AIG1: variants seen among roughly 807,000 people sequenced by gnomAD.
The protein encoded by AIG1 is androgen-induced gene 1 protein.
AIG1 carries 23 observed loss-of-function variants against 31.4 expected under a neutral mutation model. The ratio of observed to expected loss-of-function variants is 0.73; its 90% CI spans 0.53 to 1.04. AIG1 has a LOEUF of 1.04. AIG1 is among the 50% of genes least tolerant of loss of function. AIG1 has a pLI of 0.00. For synonymous variants in AIG1, 100 were observed against 110.5 expected (o/e 0.90, Z 0.60); for missense variants, 274 against 295.0 (o/e 0.93, Z 0.52).
rs1243104421 is a variant in AIG1 at position 143,297,120 on chromosome 6, C to A, written c.515+12895C>A. ...AGGAAAATAGAGTCTACGGAAGGTT[C>A]TCTAACCCAGACTTAGAGAGTTCTG... On this transcript the variant is annotated intron_variant, in intron 4 of 5. Coordinates refer to ENST00000357847, the MANE Select transcript of AIG1 (RefSeq NM_016108.4). The surrounding 1 kb of genome is among the most constrained non-coding windows in gnomAD (Gnocchi z 5.1). 2.0e-5 allele frequency among the ~76,000 whole-genome samples: 3 copies of A among 152,284 alleles called. No individual in the cohort carries two copies. Among genetic ancestry groups the A allele is most frequent in the African/African-American group, 7.2e-5 (3 of 41,554 alleles).
intron 1 of AIG1, among the ~76,000 whole-genome samples, chr6:143,101,995 T>C (rs1780320438): frequency 6.6e-6 from 1 of 152,150 alleles, no homozygotes; most frequent in African/African-American, 2.4e-5. Flanking sequence ...TTCCAATGTG[T>C]TAGCAAAGTT....
At chr6:143,110,191 A>C (rs1781148016) in intron 1 of AIG1, among the ~76,000 whole-genome samples, 2 of 152,122 alleles carry the variant, frequency 1.3e-5, no homozygotes, top group South Asian at 4.1e-4. Context: ...CTATTTACCT[A>C]TCCTTGCACT....
At chr6:143,277,211 T>C (rs1796998114) in intron 3 of AIG1, among the ~76,000 whole-genome samples, 2 of 152,226 alleles carry the variant, frequency 1.3e-5, no homozygotes, top group South Asian at 4.1e-4. Flanking sequence ...AATACCCTTT[T>C]GTTCTATGGG....
At position 143,299,341 on chromosome 6, in the gene AIG1, T is replaced by G. The variant is rs1275733615; in HGVS notation, c.515+15116T>G. 2 of 152,202 alleles carry G rather than the reference T, an allele frequency of 1.3e-5. No individual in the cohort carries two copies. Among genetic ancestry groups the G allele is most frequent in the Non-Finnish European group, 2.9e-5 (2 of 68,030 alleles). The allele number at this position is 152,202 out of a possible 1,614,324, so 9.4% of individuals were successfully genotyped here. On this transcript the variant is annotated intron_variant, in intron 4 of 5. Coordinates refer to ENST00000357847, the MANE Select transcript of AIG1 (RefSeq NM_016108.4). This position sits in a 1 kb window ranked among gnomAD's most constrained non-coding sequence, Gnocchi z 4.1. ...AGTCTCAGCTAGCAGAGTCGAGAAATAGCATGACATAGGGCAGGTGTAACT... is the reference window on the plus strand; with the variant it reads ...AGTCTCAGCTAGCAGAGTCGAGAAAGAGCATGACATAGGGCAGGTGTAACT...
chr6:143,163,807 C>T (rs1364177008), intron 2 of AIG1, among the ~76,000 whole-genome samples: 2 of 152,058 alleles, frequency 1.3e-5, no homozygotes, highest in East Asian at 3.9e-4. Context: ...ATCAGTTGTT[C>T]CCTGTCTTTC....
intron 4 of AIG1, among the ~76,000 whole-genome samples, chr6:143,315,235 G>A (rs1775640863): frequency 1.3e-5 from 2 of 152,070 alleles, no homozygotes; most frequent in Admixed American, 1.3e-4. Context: ...AGCACTGCCG[G>A]CAAGTATTCT....
intron 1 of AIG1, among the ~76,000 whole-genome samples, chr6:143,102,495 TATAATATGATAC>T (rs1468516782): frequency 2.7e-5 from 4 of 147,198 alleles, no homozygotes. Flanking sequence ...TATAAAAATA[TATAATATGATAC>T]ATAATATATA....
rs184175950 is a variant in AIG1 at position 143,187,849 on chromosome 6, G to T, written c.399+22666G>T. ...CTTCAAGAAGTGCCATTTCTCAAGC[G>T]ATGTACAGAAGGGTATCCGCAGCAT... is the stretch of plus-strand genomic sequence containing the variant. On this transcript the variant is annotated intron_variant, in intron 3 of 5. Coordinates refer to ENST00000357847, the MANE Select transcript of AIG1 (RefSeq NM_016108.4). 1.2e-4 allele frequency: 174 copies of T among 1,451,062 alleles called. No individual in the cohort carries two copies. In the East Asian group the frequency reaches 3.9e-3, roughly 32 times the overall value. 89.9% of individuals were successfully genotyped at this position (1,451,062 alleles called of 1,614,324 possible).
At chr6:143,115,804 T>C (rs1781685950) in intron 1 of AIG1, among the ~76,000 whole-genome samples, 2 of 152,218 alleles carry the variant, frequency 1.3e-5, no homozygotes, top group African/African-American at 4.8e-5. Context: ...CCTCGCTTTA[T>C]TGCATCTGTA....
At chr6:143,206,264 T>C (rs1791101135) in intron 3 of AIG1, among the ~76,000 whole-genome samples, 1 of 152,240 alleles carries the variant, frequency 6.6e-6, no homozygotes, top group Admixed American at 6.5e-5. Flanking sequence ...CATGGAGTCA[T>C]TCTGGATCTA....
chr6:143,327,478 GC>G lies in AIG1; in HGVS notation c.516-5801del. ...CTCCAGATTTGCGCATTGATACCAGGCCCAACAAAACTGTCTGGGCCAAAGG... is the reference window on the plus strand; with the variant it reads ...CTCCAGATTTGCGCATTGATACCAGGCCAACAAAACTGTCTGGGCCAAAGG... On this transcript the variant is annotated intron_variant, in intron 4 of 5. Transcript: ENST00000357847. This position sits in a 1 kb window ranked among gnomAD's most constrained non-coding sequence, Gnocchi z 5.3. The G allele has an allele frequency of 2.5e-6, 1 of 395,622 alleles. No individual in the cohort carries two copies. The allele number at this position is 395,622 out of a possible 1,614,324, so 24.5% of individuals were successfully genotyped here. A position where few individuals can be genotyped will look rare whatever the true frequency, so the allele number is the denominator to read the frequency against.
chr6:143,234,752 A>AG (rs1793687921), intron 3 of AIG1, among the ~76,000 whole-genome samples: 1 of 152,208 alleles, frequency 6.6e-6, no homozygotes, highest in Admixed American at 6.5e-5. Flanking sequence ...AGAATGGATC[A>AG]GAATTAGACT....
chr6:143,302,870 A>G lies in AIG1; in HGVS notation c.515+18645A>G, dbSNP rs565261285. ...TGTAAAAGTGTGCCTATTTCTCCAC[A>G]TCCTCTCCAGCACCTGTTGTTTCCT... On this transcript the variant is annotated intron_variant, in intron 4 of 5. Transcript: ENST00000357847. 3.1e-3 allele frequency among the ~76,000 whole-genome samples: 474 copies of G among 152,264 alleles called. 3 individuals carry two copies. Among genetic ancestry groups the G allele is most frequent in the African/African-American group, 0.011 (459 of 41,532 alleles).
At chr6:143,127,832 C>T (rs922709660) in intron 1 of AIG1, among the ~76,000 whole-genome samples, 2 of 152,026 alleles carry the variant, frequency 1.3e-5, no homozygotes, top group South Asian at 2.1e-4. Context: ...AGATTACAGG[C>T]ATGCACCACC....
intron 3 of AIG1, 137 bp from the exon 4 acceptor site, chr6:143,283,970 ACTT>A: frequency 1.9e-6 from 1 of 521,082 alleles, no homozygotes; most frequent in Non-Finnish European, 3.4e-6. Context: ...CGTCCATTCT[ACTT>A]CTTTGGCGAG....
chr6:143,306,672 A>T (rs1186816861), intron 4 of AIG1, among the ~76,000 whole-genome samples: 1 of 151,644 alleles, frequency 6.6e-6, no homozygotes, highest in Non-Finnish European at 1.5e-5. Context: ...TCTGACAATT[A>T]TGTGTCTTGG....
At chr6:143,187,390 A>G (rs1408249696) in intron 3 of AIG1, 2 of 1,535,156 alleles carry the variant, frequency 1.3e-6, no homozygotes, top group Non-Finnish European at 1.7e-6. Flanking sequence ...ATTTGCAGCT[A>G]TAGCAACTAG....
intron 2 of AIG1, among the ~76,000 whole-genome samples, chr6:143,156,985 G>C (rs1785834443): frequency 6.6e-6 from 1 of 152,202 alleles, no homozygotes. Flanking sequence ...ACTCTGAAGA[G>C]GGAATCTGGG....
chr6:143,107,064 C>G (rs1019030461), intron 1 of AIG1, among the ~76,000 whole-genome samples: 3 of 152,144 alleles, frequency 2.0e-5, no homozygotes, highest in Non-Finnish European at 4.4e-5. Context: ...AACCATAGCA[C>G]CTTGATCAGT....
Sources: allele counts gnomAD v4.1 joint callset (sites outside exome capture counted in the v4.1 genomes callset), GRCh38; gene constraint gnomAD v4.1.1; non-coding constraint Gnocchi (gnomAD v3.1); transcripts MANE v1.5; gene names NCBI Gene and HGNC (gene_info 2026-07-23, HGNC 2026-07-21).